The following KIF16B variants were observed in gnomAD, a reference collection of about 807,000 sequenced individuals.
KIF16B encodes the protein kinesin-like protein KIF16B.
Under a neutral mutation model 156.3 loss-of-function variants are expected in KIF16B, and 98 were observed. The observed-to-expected ratio is 0.63, with a 90% CI of 0.53 to 0.74. The LOEUF (loss-of-function observed/expected upper bound fraction) is 0.74, where lower values mean the gene tolerates loss of function less well. KIF16B is among the 30% of genes least tolerant of loss of function. The pLI is 0.00. For missense variants in KIF16B, 1,421 were observed against 1,606.5 expected (o/e 0.88, Z 1.97); for synonymous variants, 564 against 583.7 (o/e 0.97, Z 0.49).
chr20:16,444,845 C>G (rs1025838693), intron 12 of KIF16B, among the ~76,000 whole-genome samples: 2 of 152,184 alleles, frequency 1.3e-5, no homozygotes, highest in Admixed American at 1.3e-4. Context: ...AGAGAAAGCA[C>G]AGACATTCAT....
chr20:16,273,247 C>T lies in KIF16B; in HGVS notation c.*6G>A, dbSNP rs75472003. Reference sequence around the variant, plus strand: ...TGCTGTGGTGGTTCCTCCATCACCCCTGGCTCTACCCCGTCCCGTGGCTGC... The same window carrying T: ...TGCTGTGGTGGTTCCTCCATCACCCTTGGCTCTACCCCGTCCCGTGGCTGC... On this transcript the variant is annotated 3_prime_UTR_variant, in exon 26 of 26. Coordinates refer to ENST00000354981, the MANE Select transcript of KIF16B (RefSeq NM_024704.5). The T allele has an allele frequency of 5.2e-4, 834 of 1,613,650 alleles. 4 individuals are homozygous for T. The African/African-American group carries it at 9.5e-3, about 18-fold the overall frequency.
intron 3 of KIF16B, 44 bp downstream of exon 3, chr20:16,526,048 A>G (rs551426078): frequency 1.8e-6 from 2 of 1,109,412 alleles, no homozygotes; most frequent in African/African-American, 3.1e-5. Flanking sequence ...GTTTTTCTCA[A>G]TGTGAAAATA....
intron 17 of KIF16B, among the ~76,000 whole-genome samples, chr20:16,389,672 TG>T (rs1233752290): frequency 6.6e-6 from 1 of 152,134 alleles, no homozygotes. Flanking sequence ...TGAATTTGGG[TG>T]AAGGGGTTTG....
Position 16,497,678 on chromosome 20 carries a change from T to C in KIF16B, c.1177A>G (p.Ile393Val), listed in dbSNP as rs1285581249. 6.2e-7 allele frequency: 1 copy of C among 1,601,352 alleles called. No individual in the cohort carries two copies. The highest frequency in any genetic ancestry group is 2.2e-5 in the East Asian group (1 of 44,786). ...LKTLLAQGNQ[I>V]ALLDSPTALS... ...GCTGTGGGGGAGTCTAAGAGGGCAA[T>C]CTACAATATAAACCATAAAAGAAAT... The change falls in exon 11 of 26, where the codon ATT becomes GTT. Residue 393 changes from isoleucine (I) to valine (V), a missense_variant and splice_region_variant. Physicochemically the swap from Ile to Val is conservative, Grantham distance 29. Transcript: ENST00000354981.
intron 25 of KIF16B, among the ~76,000 whole-genome samples, chr20:16,311,108 A>G: frequency 6.6e-6 from 1 of 152,330 alleles, no homozygotes; most frequent in East Asian, 1.9e-4. Context: ...CTTTTTATAC[A>G]GCACTTCACA....
chr20:16,382,028 T>C, intron 17 of KIF16B: 1 of 1,058,224 alleles, frequency 9.4e-7, no homozygotes, highest in Non-Finnish European at 1.3e-6. Flanking sequence ...AAACAAGACT[T>C]CTAAATGATA....
chr20:16,492,423 G>C (rs1211435856), intron 12 of KIF16B, among the ~76,000 whole-genome samples: 3 of 152,106 alleles, frequency 2.0e-5, no homozygotes, highest in Non-Finnish European at 4.4e-5. Context: ...TTATAAGATC[G>C]AGAAAGGGAA....
At chr20:16,532,821 G>C (rs1241365062) in intron 1 of KIF16B, among the ~76,000 whole-genome samples, 1 of 152,122 alleles carries the variant, frequency 6.6e-6, no homozygotes, top group Non-Finnish European at 1.5e-5. Context: ...GTCAATTCTT[G>C]CCTAGAAAAC....
intron 24 of KIF16B, among the ~76,000 whole-genome samples, chr20:16,313,844 G>A (rs2063657668): frequency 6.6e-6 from 1 of 152,088 alleles, no homozygotes; most frequent in African/African-American, 2.4e-5. Context: ...CTTGCTGTTG[G>A]GCTTTTTGTT....
chr20:16,441,204 C>A (rs1423963420), intron 12 of KIF16B, among the ~76,000 whole-genome samples: 4 of 152,086 alleles, frequency 2.6e-5, no homozygotes, highest in Non-Finnish European at 5.9e-5. Context: ...GATGTTGTGG[C>A]CCAGAAAGCA....
intron 25 of KIF16B, among the ~76,000 whole-genome samples, chr20:16,305,803 C>A (rs12479738): frequency 0.36 from 55,304 of 151,952 alleles, 10,358 homozygotes; most frequent in African/African-American, 0.45. Flanking sequence ...TGGCTTATTG[C>A]ACTTAACATA....
At chr20:16,475,981 C>A (rs1281632544) in intron 12 of KIF16B, among the ~76,000 whole-genome samples, 1 of 152,200 alleles carries the variant, frequency 6.6e-6, no homozygotes, top group Non-Finnish European at 1.5e-5. Flanking sequence ...ATTACTTATA[C>A]TAAATTCTGC....
At chr20:16,494,372 C>T (rs535357254) in intron 11 of KIF16B, 22 bp from the exon 12 acceptor site, 9 of 1,485,752 alleles carry the variant, frequency 6.1e-6, no homozygotes, top group South Asian at 3.6e-5. Flanking sequence ...AATATACATA[C>T]GTGACTGCTT....
intron 25 of KIF16B, among the ~76,000 whole-genome samples, chr20:16,296,509 C>T (rs2122545297): frequency 6.6e-6 from 1 of 152,298 alleles, no homozygotes; most frequent in East Asian, 1.9e-4. Context: ...TCGTTCTGTG[C>T]TACTTTCTTC....
rs1377939592 is a variant in KIF16B, at chr20:16,559,940, TCAATATTAC to T, written c.47+13280_47+13288del. ...GATACAACATTCAAATAATGTTGTA[TCAATATTAC>T]TTTCCGGTTTTGATAATTATAAGAT... On this transcript the variant is annotated intron_variant, in intron 1 of 25. Coordinates refer to ENST00000354981, the MANE Select transcript of KIF16B (RefSeq NM_024704.5). Among the ~76,000 whole-genome samples, 4 of 152,156 alleles carry T rather than the reference TCAATATTAC, an allele frequency of 2.6e-5. No individual in the cohort carries two copies. In the East Asian group the frequency reaches 7.7e-4, roughly 29 times the overall value.
chr20:16,318,594 G>A (rs2063731453), intron 24 of KIF16B, among the ~76,000 whole-genome samples: 1 of 151,854 alleles, frequency 6.6e-6, no homozygotes, highest in Non-Finnish European at 1.5e-5. Context: ...AGCTCCCAGT[G>A]GCCAAAGCTG....
In KIF16B at chr20:16,312,320, G is replaced by A. The variant is rs748113060; in HGVS notation, c.3795+15C>T. ...TTTCTACATACACAGAGGAAAAACA[G>A]CTTAATTCTGTTACCTCTAAGTGAC... On this transcript the variant is annotated intron_variant, in intron 25 of 25. Transcript: ENST00000354981. 1.6e-5 allele frequency: 26 copies of A among 1,588,700 alleles called. No individual in the cohort carries two copies. The highest frequency in any genetic ancestry group is 2.2e-5 in the Non-Finnish European group (26 of 1,157,826).
intron 1 of KIF16B, among the ~76,000 whole-genome samples, chr20:16,556,431 G>A (rs1312318699): frequency 1.3e-5 from 2 of 152,194 alleles, no homozygotes; most frequent in Non-Finnish European, 2.9e-5. Context: ...TCTATATGTG[G>A]TCAGTAAATG....
chr20:16,350,564 G>A (rs2123100199), intron 23 of KIF16B, among the ~76,000 whole-genome samples: 1 of 152,126 alleles, frequency 6.6e-6, no homozygotes, highest in South Asian at 2.1e-4. Flanking sequence ...AGGGAAGATG[G>A]GAGGCTTTGG....
Sources: gnomAD v4.1 joint callset for allele counts (sites outside exome capture counted in the v4.1 genomes callset) on GRCh38, gnomAD v4.1.1 for gene constraint, MANE v1.5 for transcripts, NCBI Gene and HGNC (gene_info 2026-07-23, HGNC 2026-07-21) for gene names.